The following FECH variants were observed in gnomAD, a reference collection of about 807,000 sequenced individuals.
FECH encodes the protein ferrochelatase, mitochondrial.
A neutral mutation model predicts 56.9 loss-of-function variants in FECH; 40 were observed. That is an observed-to-expected ratio of 0.70 (90% CI 0.55 to 0.92). FECH has a LOEUF of 0.92. Ranked by LOEUF, FECH falls within the 40% of genes least tolerant of loss-of-function variation. The pLI is 0.00. For synonymous variants in FECH, 175 were observed against 198.6 expected (o/e 0.88, Z 1.00); for missense variants, 431 against 529.1 (o/e 0.81, Z 1.82).
At chr18:57,572,031 G>A (rs1269391671) in intron 3 of FECH, among the ~76,000 whole-genome samples, 1 of 152,144 alleles carries the variant, frequency 6.6e-6, no homozygotes, top group Non-Finnish European at 1.5e-5. Context: ...ATGAAGCATG[G>A]ATTAAACAAA....
chr18:57,554,865 G>A lies in FECH; in HGVS notation c.892C>T (p.Arg298Ter), dbSNP rs2050848238. ...CTTACCTTGGATTGCCACACCAGTCGGTAGGGGTTGCAGTACTCCAGCCTT... is the reference window on the plus strand; with the variant it reads ...CTTACCTTGGATTGCCACACCAGTCAGTAGGGGTTGCAGTACTCCAGCCTT... ...MERLEYCNPY[R>*]LVWQSKVGPM... Residue 298 changes from arginine (R) to a stop codon, truncating the protein, a stop_gained, in exon 8 of 11, where the codon CGA (arginine) becomes TGA (stop). Coordinates refer to ENST00000262093, the MANE Select transcript of FECH (RefSeq NM_000140.5). LOFTEE classifies it high-confidence loss of function. 3 of 1,614,092 alleles carry A rather than the reference G, an allele frequency of 1.9e-6. No individual in the cohort carries two copies. The highest frequency in any genetic ancestry group is 2.2e-5 in the East Asian group (1 of 44,868).
intron 4 of FECH, among the ~76,000 whole-genome samples, chr18:57,567,491 T>C (rs1318668737): frequency 1.3e-5 from 2 of 152,260 alleles, no homozygotes; most frequent in East Asian, 3.8e-4. Flanking sequence ...ACAAGTTTCC[T>C]AAACTTACTT....
At chr18:57,578,846 T>C (rs1306352667) in intron 2 of FECH, among the ~76,000 whole-genome samples, 3 of 147,422 alleles carry the variant, frequency 2.0e-5, no homozygotes, top group Non-Finnish European at 3.0e-5. Context: ...GTAATCCCAG[T>C]TACTTGGGAG....
chr18:57,558,705 A>T lies in FECH; in HGVS notation c.804+440T>A, dbSNP rs569644371. On this transcript the variant is annotated intron_variant, in intron 7 of 10. Transcript: ENST00000262093. Reference sequence around the variant, plus strand: ...GAGGCCTGGGCGGGTGGATCACCTAAGGTCAGGAGTTTGAGACCAGCCTGG... The same window carrying T: ...GAGGCCTGGGCGGGTGGATCACCTATGGTCAGGAGTTTGAGACCAGCCTGG... 5.2e-3 allele frequency among the ~76,000 whole-genome samples: 785 copies of T among 152,344 alleles called. 1 individual carries two copies. The highest frequency in any genetic ancestry group is 8.3e-3 in the Non-Finnish European group (562 of 68,024).
rs1339153410 is a variant in FECH at position 57,546,932 on chromosome 18, C to T, written c.*3780G>A. On this transcript the variant is annotated 3_prime_UTR_variant, in exon 11 of 11. Transcript: ENST00000262093. ...CCGAGATCGTGCCACTGTACTCCAG[C>T]TTGGGCAACAGAGCGAGACTCCATC... Among the ~76,000 whole-genome samples, 1 of 146,604 alleles carries T rather than the reference C, an allele frequency of 6.8e-6. No homozygotes were observed. Among genetic ancestry groups the T allele is most frequent in the Non-Finnish European group, 1.5e-5 (1 of 67,444 alleles).
chr18:57,550,490 T>C lies in FECH; in HGVS notation c.*222A>G, dbSNP rs1312339644. 2 of 533,618 alleles carry C rather than the reference T, an allele frequency of 3.7e-6. No homozygotes were observed. Among genetic ancestry groups the C allele is most frequent in the East Asian group, 3.4e-5 (1 of 29,166 alleles). The allele number at this position is 533,618 out of a possible 1,614,324, so 33.1% of individuals were successfully genotyped here. A position where few individuals can be genotyped will look rare whatever the true frequency, so the allele number is the denominator to read the frequency against. ...ATGGACATTCCAAACTAGTAACTTA[T>C]ACCTAGAGAGAGAAAATACAAATGC... is the stretch of plus-strand genomic sequence containing the variant. On this transcript the variant is annotated 3_prime_UTR_variant, in exon 11 of 11. Transcript: ENST00000262093.
intron 4 of FECH, among the ~76,000 whole-genome samples, chr18:57,568,252 C>T (rs1406540429): frequency 3.3e-5 from 5 of 152,158 alleles, no homozygotes; most frequent in Admixed American, 1.3e-4. Context: ...CTGAAGGTTA[C>T]GGTCTAAATG....
In FECH at chr18:57,586,632, C is replaced by T; in HGVS notation, c.-12G>A. The T allele has an allele frequency of 6.6e-7, 1 of 1,510,098 alleles. No homozygotes were observed. Among genetic ancestry groups the T allele is most frequent in the Non-Finnish European group, 8.8e-7 (1 of 1,135,786 alleles). The allele number at this position is 1,510,098 out of a possible 1,614,324, so 93.5% of individuals were successfully genotyped here. ...CCGAGTGAACGCATTGCCTGGGCAG[C>T]CTCGGCCCGAGTCCGGGCTCCTCCC... On this transcript the variant is annotated 5_prime_UTR_variant, in exon 1 of 11. Coordinates refer to ENST00000262093, the MANE Select transcript of FECH (RefSeq NM_000140.5).
chr18:57,572,513 TAAAAAAA>T (rs57279341), intron 3 of FECH, among the ~76,000 whole-genome samples: 15 of 55,994 alleles, frequency 2.7e-4, no homozygotes, highest in East Asian at 9.3e-4. Context: ...TATACGTATG[TAAAAAAA>T]AAAAAAAAAA....
chr18:57,584,782 C>T (rs2051340810), intron 1 of FECH, among the ~76,000 whole-genome samples: 1 of 150,190 alleles, frequency 6.7e-6, no homozygotes, highest in Non-Finnish European at 1.5e-5. Context: ...CTTATGTAAA[C>T]CCTACAACTC....
intron 7 of FECH, 48 bp from the exon 8 acceptor site, chr18:57,555,000 C>T (rs1398578366): frequency 2.1e-6 from 3 of 1,452,292 alleles, no homozygotes; most frequent in Non-Finnish European, 2.9e-6. Flanking sequence ...CTGGGAAGGC[C>T]CCGAGAGCCT....
chr18:57,572,591 G>GC (rs1443854208), intron 3 of FECH, among the ~76,000 whole-genome samples: 1 of 137,634 alleles, frequency 7.3e-6, no homozygotes, highest in South Asian at 2.4e-4. Flanking sequence ...AACGAAGTGG[G>GC]GGGGGGGGTG....
intron 7 of FECH, among the ~76,000 whole-genome samples, chr18:57,556,098 C>T (rs1028647618): frequency 2.6e-5 from 4 of 152,146 alleles, no homozygotes; most frequent in Admixed American, 6.5e-5. Context: ...CAGTGCACTC[C>T]AGCCTGGGTG....
intron 1 of FECH, 89 bp from the exon 2 acceptor site, chr18:57,580,288 A>G: frequency 6.6e-7 from 1 of 1,511,292 alleles, no homozygotes; most frequent in Non-Finnish European, 9.1e-7. Flanking sequence ...CTGACTTTAA[A>G]ATTTAAAGAG....
chr18:57,551,147 C>T lies in FECH; in HGVS notation c.1137+168G>A, dbSNP rs2050792000. ...GTGGGTAGAAATCAGAAAATTGGGG[C>T]TATCTGAAGGAAAAAAGACTGAGCA... On this transcript the variant is annotated intron_variant, in intron 10 of 10. Coordinates refer to ENST00000262093, the MANE Select transcript of FECH (RefSeq NM_000140.5). 4.6e-6 allele frequency: 3 copies of T among 655,488 alleles called. No homozygotes were observed. In the South Asian group the frequency reaches 5.8e-5, roughly 13 times the overall value. The allele number at this position is 655,488 out of a possible 1,614,324, so 40.6% of individuals were successfully genotyped here. A position where few individuals can be genotyped will look rare whatever the true frequency, so the allele number is the denominator to read the frequency against.
Position 57,551,387 on chromosome 18 carries a change from A to C in FECH, c.1078-13T>G, listed in dbSNP as rs1311299275. The C allele has an allele frequency of 1.9e-6, 3 of 1,608,412 alleles. No individual in the cohort carries two copies. Among genetic ancestry groups the C allele is most frequent in the Non-Finnish European group, 2.6e-6 (3 of 1,175,188 alleles). On this transcript the variant is annotated splice_polypyrimidine_tract_variant and intron_variant, in intron 9 of 10. Transcript: ENST00000262093. ...TTTCAACTCCACACTGAATCAAATG[A>C]GAAAAGGGAGGAAAAACACAGATAT...
Position 57,546,886 on chromosome 18 carries a change from A to G in FECH, c.*3826T>C, listed in dbSNP as rs972012248. ...GAGGCAGGATGATCCTTTGAACCCA[A>G]GAGGCGGAGGTTGCAGTGAGCCGAG... is the stretch of plus-strand genomic sequence containing the variant. On this transcript the variant is annotated 3_prime_UTR_variant, in exon 11 of 11. Coordinates refer to ENST00000262093, the MANE Select transcript of FECH (RefSeq NM_000140.5). 3.3e-5 allele frequency among the ~76,000 whole-genome samples: 5 copies of G among 151,196 alleles called. No individual in the cohort carries two copies. The highest frequency in any genetic ancestry group is 1.3e-4 in the Admixed American group (2 of 15,156).
chr18:57,574,699 C>T (rs2051159852), intron 2 of FECH, among the ~76,000 whole-genome samples: 1 of 152,392 alleles, frequency 6.6e-6, no homozygotes, highest in East Asian at 1.9e-4. Flanking sequence ...GCCTCTGGCA[C>T]GCTGGCAGGA....
intron 2 of FECH, among the ~76,000 whole-genome samples, chr18:57,573,612 AT>A (rs2122331171): frequency 6.6e-6 from 1 of 152,310 alleles, no homozygotes; most frequent in African/African-American, 2.4e-5. Flanking sequence ...TCCGCTAGAA[AT>A]GTTTCCCTTT....
Sources: allele counts gnomAD v4.1 joint callset (sites outside exome capture counted in the v4.1 genomes callset), GRCh38; gene constraint gnomAD v4.1.1; transcripts MANE v1.5; gene names NCBI Gene and HGNC (gene_info 2026-07-23, HGNC 2026-07-21).